The following SLIT1 variants were observed in gnomAD, a reference collection of about 807,000 sequenced individuals.
SLIT1 encodes slit homolog 1 protein.
Under a neutral mutation model 186.1 loss-of-function variants are expected in SLIT1, and 66 were observed. The observed-to-expected ratio is 0.35, with a 90% confidence interval of 0.29 to 0.44. SLIT1 has a LOEUF of 0.44. SLIT1 is among the 20% of genes least tolerant of loss of function. SLIT1 has a pLI of 1.00. For missense variants in SLIT1, 1,638 were observed against 2,037.4 expected, an observed-to-expected ratio of 0.80 and a Z score of 3.77; for synonymous variants, 761 against 833.8, an observed-to-expected ratio of 0.91 and a Z score of 1.50.
Position 97,047,778 on chromosome 10 carries a change from TGTG to T in SLIT1, c.1543_1545del (p.His515del). On this transcript the variant is annotated inframe_deletion, in exon 16 of 37. Transcript: ENST00000266058. ...ACCACGTTGGCCTCACAGCGGCACT[TGTG>T]GGGACAGACCACGTCGCTGTTGCAC... is the stretch of plus-strand genomic sequence containing the variant. 3 of 1,614,056 alleles carry T rather than the reference TGTG, an allele frequency of 1.9e-6. No homozygotes were observed. Among genetic ancestry groups the T allele is most frequent in the Non-Finnish European group, 2.5e-6 (3 of 1,180,002 alleles).
chr10:97,009,444 A>C (rs929947761), intron 31 of SLIT1, among the ~76,000 whole-genome samples: 38 of 152,376 alleles, frequency 2.5e-4, no homozygotes, highest in African/African-American at 9.1e-4. Flanking sequence ...CATGCAAAAG[A>C]ATGAAGTTGG....
intron 12 of SLIT1, among the ~76,000 whole-genome samples, 153 bp from the exon 13 acceptor site, chr10:97,056,617 C>T (rs1848839022): frequency 6.6e-6 from 1 of 152,216 alleles, no homozygotes; most frequent in Admixed American, 6.5e-5. Context: ...GATGTCTGCC[C>T]CACGGAGAGG....
intron 4 of SLIT1, among the ~76,000 whole-genome samples, chr10:97,134,834 G>C (rs369430876): frequency 1.3e-5 from 2 of 152,120 alleles, no homozygotes; most frequent in Non-Finnish European, 2.9e-5. Flanking sequence ...ATGAGGACGC[G>C]GGCTTTGCCA....
chr10:97,161,653 C>T (rs546311686), intron 3 of SLIT1, among the ~76,000 whole-genome samples: 2 of 152,276 alleles, frequency 1.3e-5, no homozygotes, highest in Admixed American at 6.5e-5. Context: ...TGGCTGGCGC[C>T]TGTAATCCCA....
rs1266047815 is a variant in SLIT1 at position 97,021,246 on chromosome 10, T to C, written c.2746+4A>G. The C allele has an allele frequency of 6.2e-7, 1 of 1,613,184 alleles. No individual in the cohort carries two copies. The highest frequency in any genetic ancestry group is 2.2e-5 in the East Asian group (1 of 44,890). ...GCAGCAGGAGGCTGTGCTCCTAGGC[T>C]CACCTTGGCATTCAAACTTCTTGGC... On this transcript the variant is annotated splice_donor_region_variant and intron_variant, in intron 26 of 36. Coordinates refer to ENST00000266058, the MANE Select transcript of SLIT1 (RefSeq NM_003061.3). The surrounding 1 kb of genome is among the most constrained non-coding windows in gnomAD (Gnocchi z 4.5).
At position 97,043,348 on chromosome 10, in the gene SLIT1, CT is replaced by C. The variant is rs532573792; in HGVS notation, c.1997+21del. On this transcript the variant is annotated intron_variant, in intron 19 of 36. Coordinates refer to ENST00000266058, the MANE Select transcript of SLIT1 (RefSeq NM_003061.3). The surrounding 1 kb of genome is among the most constrained non-coding windows in gnomAD (Gnocchi z 7.0). ...CGGTTGCTCCAGAGCCCCCGCCCGC[CT>C]GTCCTGGAGGCCGGACTCACAGTGT... 7.5e-4 allele frequency: 1,209 copies of C among 1,612,784 alleles called. 2 individuals are homozygous for C. The highest frequency in any genetic ancestry group is 6.3e-3 in the Middle Eastern group (32 of 5,118).
intron 25 of SLIT1, among the ~76,000 whole-genome samples, chr10:97,027,866 A>G (rs182462652): frequency 4.3e-4 from 65 of 152,326 alleles, no homozygotes; most frequent in Admixed American, 1.6e-3. Context: ...AAGGTAGCCA[A>G]CTGCACATCT....
At chr10:97,149,268 C>T (rs1849850431) in intron 4 of SLIT1, among the ~76,000 whole-genome samples, 1 of 152,210 alleles carries the variant, frequency 6.6e-6, no homozygotes, top group Non-Finnish European at 1.5e-5. Context: ...CCCGTGCCGG[C>T]CCAGTGGGAC....
chr10:97,057,166 C>T (rs765424227), intron 12 of SLIT1, 44 bp downstream of exon 12: 3 of 1,523,018 alleles, frequency 2.0e-6, no homozygotes, highest in East Asian at 2.3e-5. Context: ...GGAAAGCTGG[C>T]CCTTCCCTGG....
intron 4 of SLIT1, among the ~76,000 whole-genome samples, chr10:97,145,439 C>A (rs541061898): frequency 6.6e-6 from 1 of 152,216 alleles, no homozygotes; most frequent in Non-Finnish European, 1.5e-5. Context: ...TCCATTTTTC[C>A]TACATGGAAA....
intron 4 of SLIT1, among the ~76,000 whole-genome samples, chr10:97,138,428 C>T (rs543738468): frequency 6.6e-6 from 1 of 152,224 alleles, no homozygotes; most frequent in African/African-American, 2.4e-5. Flanking sequence ...GGGACGGTCA[C>T]CACGGTCTGT....
intron 4 of SLIT1, among the ~76,000 whole-genome samples, chr10:97,129,401 A>C (rs1271879166): frequency 1.4e-5 from 2 of 147,624 alleles, no homozygotes; most frequent in Non-Finnish European, 3.0e-5. Flanking sequence ...AAAAAAAAAG[A>C]AGCTAATATA....
chr10:97,137,401 C>G lies in SLIT1; in HGVS notation c.413+20417G>C, dbSNP rs564531930. 2.6e-5 allele frequency among the ~76,000 whole-genome samples: 4 copies of G among 152,270 alleles called. No homozygotes were observed. In the South Asian group the frequency reaches 8.3e-4, roughly 32 times the overall value. On this transcript the variant is annotated intron_variant, in intron 4 of 36. Coordinates refer to ENST00000266058, the MANE Select transcript of SLIT1 (RefSeq NM_003061.3). ...AAAACCACATCTGGAAAATTTTGCT[C>G]TAACATATTCTAAATACAGGATGAG... is the stretch of plus-strand genomic sequence containing the variant.
intron 4 of SLIT1, among the ~76,000 whole-genome samples, chr10:97,090,480 C>T (rs1034756560): frequency 2.0e-5 from 3 of 152,140 alleles, no homozygotes; most frequent in Non-Finnish European, 4.4e-5. Flanking sequence ...GGAGGCATGG[C>T]TGGGATGTGA....
intron 4 of SLIT1, among the ~76,000 whole-genome samples, chr10:97,094,483 A>G (rs1849265637): frequency 6.6e-6 from 1 of 152,218 alleles, no homozygotes; most frequent in Non-Finnish European, 1.5e-5. Flanking sequence ...GCCAAATTCT[A>G]TGCTCCTAAG....
chr10:97,185,549 T>G lies in SLIT1; in HGVS notation c.126A>C (p.Gly42=). Residue 42 remains glycine, a synonymous_variant, in exon 1 of 37, where the codon GGA becomes GGC. Transcript: ENST00000266058. ...CCGTGCCGTGGCAGTCCACCGTGGT[T>G]CCGGTGCAGGTGCAGAGGGCGGGGC... is the stretch of plus-strand genomic sequence containing the variant. ...SACPALCTCT[G]TTVDCHGTGL... 6 of 1,611,570 alleles carry G rather than the reference T, an allele frequency of 3.7e-6. No homozygotes were observed. The highest frequency in any genetic ancestry group is 3.4e-6 in the Non-Finnish European group (4 of 1,179,506).
intron 4 of SLIT1, among the ~76,000 whole-genome samples, chr10:97,079,813 G>A (rs1047528546): frequency 6.6e-5 from 10 of 152,114 alleles, no homozygotes; most frequent in Non-Finnish European, 1.2e-4. Flanking sequence ...CAGCAATACC[G>A]GTTCAGGTTC....
chr10:97,060,641 T>G lies in SLIT1; in HGVS notation c.940A>C (p.Ile314Leu). ...GCATCTGCCCTGCCCCGTACTCACA[T>G]CTCCGTCATGGTCTCGGGCAGGTTG... Reference protein sequence around the residue: ...PANLPETMTEIRLELNGIKSI... With the variant: ...PANLPETMTELRLELNGIKSI... The change falls in exon 9 of 37, where the codon ATA (isoleucine) becomes CTA (leucine). Residue 314 changes from isoleucine to leucine, a missense_variant and splice_region_variant. By Grantham distance (5) the Ile-to-Leu change is conservative. Around this residue, in one of 3 missense-constraint regions of SLIT1, gnomAD observed 1,245 missense variants for 1,535.3 expected, o/e 0.81. Coordinates refer to ENST00000266058, the MANE Select transcript of SLIT1 (RefSeq NM_003061.3). 1 of 1,612,766 alleles carries G rather than the reference T, an allele frequency of 6.2e-7. No homozygotes were observed. Among genetic ancestry groups the G allele is most frequent in the Non-Finnish European group, 8.5e-7 (1 of 1,180,030 alleles).
At chr10:97,093,392 C>A (rs2134664747) in intron 4 of SLIT1, among the ~76,000 whole-genome samples, 1 of 152,330 alleles carries the variant, frequency 6.6e-6, no homozygotes, top group Admixed American at 6.5e-5. Flanking sequence ...CTTGGAGTAG[C>A]CAAGGCTTAA....
Sources: allele counts gnomAD v4.1 joint callset (sites outside exome capture counted in the v4.1 genomes callset), GRCh38; gene constraint gnomAD v4.1.1; regional missense constraint gnomAD v4.1.1; non-coding constraint Gnocchi (gnomAD v3.1); transcripts MANE v1.5; gene names NCBI Gene and HGNC (gene_info 2026-07-23, HGNC 2026-07-21).